PLEKHG6: variants seen among roughly 807,000 people sequenced by gnomAD.
PLEKHG6 encodes the protein pleckstrin homology and RhoGEF domain containing G6.
Under a neutral mutation model 97.5 loss-of-function variants are expected in PLEKHG6, and 91 were observed. That is an observed-to-expected ratio of 0.93 (90% CI 0.79 to 1.11). The LOEUF is 1.11. PLEKHG6 is among the 50% of genes most tolerant of loss of function. The pLI, the probability that PLEKHG6 is intolerant of heterozygous loss-of-function variation, is 0.00. For missense variants in PLEKHG6, 1,044 were observed against 1,031.0 expected, an observed-to-expected ratio of 1.01 and a Z score of -0.17; for synonymous variants, 466 against 425.5, an observed-to-expected ratio of 1.10 and a Z score of -1.17.
At position 6,315,270 on chromosome 12, in the gene PLEKHG6, G is replaced by C. The variant is rs1440707222; in HGVS notation, c.459+101G>C. The C allele has an allele frequency of 8.4e-7, 1 of 1,190,718 alleles. No individual in the cohort carries two copies. Among genetic ancestry groups the C allele is most frequent in the Admixed American group, 2.7e-5 (1 of 37,106 alleles). 73.8% of individuals were successfully genotyped at this position (1,190,718 alleles called of 1,614,324 possible). ...AAGGCCTTGGGAAGTGGGGTCATGT[G>C]GAAAAAACATCTGGAAACGCGTTGA... is the stretch of plus-strand genomic sequence containing the variant. On this transcript the variant is annotated intron_variant, in intron 4 of 15. Transcript: ENST00000684764. The surrounding 1 kb of genome is among the most constrained non-coding windows in gnomAD (Gnocchi z 4.5).
rs992642019 is a variant in PLEKHG6 at position 6,315,479 on chromosome 12, C to T, written c.460-75C>T. On this transcript the variant is annotated intron_variant, in intron 4 of 15. Coordinates refer to ENST00000684764, the MANE Select transcript of PLEKHG6 (RefSeq NM_001384598.1). The surrounding 1 kb of genome is among the most constrained non-coding windows in gnomAD (Gnocchi z 4.5). ...GTGCCTAGAACCTATGAAGTGGATC[C>T]GGTCGCACTTAACAGCTGGTACTTG... 77 of 957,742 alleles carry T rather than the reference C, an allele frequency of 8.0e-5. 1 individual carries two copies. The highest frequency in any genetic ancestry group is 1.5e-4 in the African/African-American group (9 of 61,044). 59.3% of individuals were successfully genotyped at this position (957,742 alleles called of 1,614,324 possible).
chr12:6,319,264 A>G (rs1947614353), intron 13 of PLEKHG6, 156 bp downstream of exon 13: 1 of 619,370 alleles, frequency 1.6e-6, no homozygotes, highest in East Asian at 2.8e-5. Flanking sequence ...CCTGGCCAAC[A>G]TGGTGAAACC....
At position 6,317,882 on chromosome 12, in the gene PLEKHG6, G is replaced by A. The variant is rs1463070496; in HGVS notation, c.1043G>A (p.Arg348Gln). Reference sequence around the variant, plus strand: ...ATTGAAGCCGTGGAGTCATTCCTGCGACACATCAATGGGCAGGTCCGCCAG... The same window carrying A: ...ATTGAAGCCGTGGAGTCATTCCTGCAACACATCAATGGGCAGGTCCGCCAG... ...AMIEAVESFL[R>Q]HINGQVRQGE... Residue 348 changes from arginine (R) to glutamine (Q), a missense_variant, in exon 10 of 16, where the codon CGA becomes CAA. Coordinates refer to ENST00000684764, the MANE Select transcript of PLEKHG6 (RefSeq NM_001384598.1). 19 of 1,555,994 alleles carry A rather than the reference G, an allele frequency of 1.2e-5. 1 individual carries two copies. Among genetic ancestry groups the A allele is most frequent in the South Asian group, 8.3e-5 (7 of 84,478 alleles).
chr12:6,315,614 C>A lies in PLEKHG6; in HGVS notation c.520C>A (p.Leu174Met). 1 of 1,590,220 alleles carries A rather than the reference C, an allele frequency of 6.3e-7. No individual in the cohort carries two copies. Among genetic ancestry groups the A allele is most frequent in the Non-Finnish European group, 8.6e-7 (1 of 1,160,562 alleles). ...CCTGTGGGAGCTCCTGACCACCGAG[C>A]TGATCTACGTGAGAAAGCTCAAGAT... ...EALWELLTTE[L>M]IYVRKLKIMT... The change falls in exon 5 of 16, where the codon CTG becomes ATG. Residue 174 changes from leucine to methionine, a missense_variant. Leu to Met is a conservative substitution (Grantham distance 15). Coordinates refer to ENST00000684764, the MANE Select transcript of PLEKHG6 (RefSeq NM_001384598.1). This position sits in a 1 kb window ranked among gnomAD's most constrained non-coding sequence, Gnocchi z 4.5.
At chr12:6,310,544 C>G (rs1413127974), upstream of PLEKHG6, 1 of 152,380 alleles carries the variant, frequency 6.6e-6, no homozygotes, top group Non-Finnish European at 1.5e-5. Flanking sequence ...AAGGAGGGCA[C>G]CGCCACGTGA....
intron 13 of PLEKHG6, among the ~76,000 whole-genome samples, chr12:6,320,714 G>C (rs1947675565): frequency 6.6e-6 from 1 of 152,152 alleles, no homozygotes; most frequent in Non-Finnish European, 1.5e-5. Context: ...CAGAGGGTAG[G>C]ACTTAGATAT....
At chr12:6,314,611 T>C (rs1423210581) in intron 3 of PLEKHG6, among the ~76,000 whole-genome samples, 3 of 152,192 alleles carry the variant, frequency 2.0e-5, no homozygotes, top group African/African-American at 7.2e-5. Flanking sequence ...CCACTGGTTC[T>C]CTAAGTCTTG....
Position 6,318,073 on chromosome 12 carries a change from A to T in PLEKHG6, c.1155+79A>T, listed in dbSNP as rs202225852. On this transcript the variant is annotated intron_variant, in intron 10 of 15. Coordinates refer to ENST00000684764, the MANE Select transcript of PLEKHG6 (RefSeq NM_001384598.1). ...TGAAGGGGAGGGCTGCAAGGCCAGA[A>T]CACCCCGTACTTGGGTGCTACAAGG... 4.1e-5 allele frequency: 60 copies of T among 1,464,272 alleles called. No homozygotes were observed. The East Asian group carries it at 1.3e-3, about 32-fold the overall frequency. 90.7% of individuals were successfully genotyped at this position (1,464,272 alleles called of 1,614,324 possible).
At chr12:6,328,086 C>T in intron 15 of PLEKHG6, 50 bp from the exon 16 acceptor site, 1 of 1,613,054 alleles carries the variant, frequency 6.2e-7, no homozygotes, top group Non-Finnish European at 8.5e-7. Context: ...TCACCTGACC[C>T]TCACCCGTTG....
At chr12:6,323,120 C>T (rs1462537315) in intron 13 of PLEKHG6, among the ~76,000 whole-genome samples, 1 of 152,202 alleles carries the variant, frequency 6.6e-6, no homozygotes, top group Non-Finnish European at 1.5e-5. Flanking sequence ...CAGACTCTCA[C>T]CTTCTCCCTT....
chr12:6,318,747 G>A lies in PLEKHG6; in HGVS notation c.1278G>A (p.Leu426=), dbSNP rs1297155927. The change falls in exon 12 of 16, where the codon CTG becomes CTA. Residue 426 remains leucine, a splice_region_variant and synonymous_variant. Transcript: ENST00000684764. The stretch of plus-strand genomic sequence containing the variant: ...TTCCCCTACGCCCCCACCCCCAGCT[G>A]GACGTGTACCTGTTCCTCTTCTCTG... ...VRVKEGREGK[L]DVYLFLFSDV... 1.2e-6 allele frequency: 2 copies of A among 1,613,600 alleles called. No homozygotes were observed. The highest frequency in any genetic ancestry group is 8.5e-7 in the Non-Finnish European group (1 of 1,179,710).
Position 6,327,373 on chromosome 12 carries a change from C to A in PLEKHG6, c.1790C>A (p.Thr597Asn). Residue 597 changes from threonine (T) to asparagine (N), a missense_variant, in exon 15 of 16, where the codon ACC becomes AAC. Physicochemically the swap from Thr to Asn is moderately conservative, Grantham distance 65. Coordinates refer to ENST00000684764, the MANE Select transcript of PLEKHG6 (RefSeq NM_001384598.1). ...GGCTACGGCACTTTGATCCCAGGCA[C>A]CCCCACGGGGTCCCGCTCCCCACTG... is the stretch of plus-strand genomic sequence containing the variant. The part of the protein sequence containing the change: ...DSGYGTLIPG[T>N]PTGSRSPLSR... 6 of 1,614,116 alleles carry A rather than the reference C, an allele frequency of 3.7e-6. No homozygotes were observed. Among genetic ancestry groups the A allele is most frequent in the Non-Finnish European group, 5.1e-6 (6 of 1,179,984 alleles).
At chr12:6,322,892 A>G (rs1039686085) in intron 13 of PLEKHG6, among the ~76,000 whole-genome samples, 1 of 151,746 alleles carries the variant, frequency 6.6e-6, no homozygotes, top group Admixed American at 6.6e-5. Context: ...AAAAAAAAAA[A>G]GTTAAATAAA....
chr12:6,325,850 CA>C (rs1250681941), intron 13 of PLEKHG6, among the ~76,000 whole-genome samples: 1 of 152,152 alleles, frequency 6.6e-6, no homozygotes, highest in Non-Finnish European at 1.5e-5. Context: ...CACTCACCCC[CA>C]ACACTAGCTC....
rs779369714 is a variant in PLEKHG6 at position 6,315,897 on chromosome 12, A to G, written c.584A>G (p.Gln195Arg). The G allele has an allele frequency of 2.5e-6, 4 of 1,579,720 alleles. No homozygotes were observed. The highest frequency in any genetic ancestry group is 3.4e-6 in the Non-Finnish European group (4 of 1,162,480). ...DLLAAGLLNLQRVGLLMEVSA... is the reference protein window; with the variant it reads ...DLLAAGLLNLRRVGLLMEVSA... ...CTAGCCGCCGGCCTGCTGAACCTGC[A>G]GCGAGTGGGACTGCTGATGGAAGTG... The change falls in exon 6 of 16, where the codon CAG becomes CGG. Residue 195 changes from glutamine (Q) to arginine (R), a missense_variant. Transcript: ENST00000684764. The surrounding 1 kb of genome is among the most constrained non-coding windows in gnomAD (Gnocchi z 4.5).
In PLEKHG6 at chr12:6,312,532, C is replaced by A. The variant is rs150076126; in HGVS notation, c.138+168C>A. The A allele has an allele frequency of 1.2e-5, 13 of 1,111,606 alleles. No homozygotes were observed. In the African/African-American group the frequency reaches 2.0e-4, roughly 17 times the overall value. 68.9% of individuals were successfully genotyped at this position (1,111,606 alleles called of 1,614,324 possible). ...AGAGGAGGGCAGTGACAGGGCCAGGCTCCAGGGATATCACACCCCAGTCCC... is the reference window on the plus strand; with the variant it reads ...AGAGGAGGGCAGTGACAGGGCCAGGATCCAGGGATATCACACCCCAGTCCC... On this transcript the variant is annotated intron_variant, in intron 2 of 15. Transcript: ENST00000684764.
intron 13 of PLEKHG6, among the ~76,000 whole-genome samples, chr12:6,324,411 C>T (rs893567640): frequency 3.9e-5 from 6 of 152,218 alleles, no homozygotes; most frequent in African/African-American, 9.6e-5. Context: ...TCTTCTTTCC[C>T]GTAACATCCC....
rs557533391 is a variant in PLEKHG6 at position 6,327,499 on chromosome 12, A to G, written c.1916A>G (p.Gln639Arg). Reference sequence around the variant, plus strand: ...CTGCGTCCCCACCCTCCCGACCCCCAAGCTCCTCAACGCCGAAGCGCCCCC... The same window carrying G: ...CTGCGTCCCCACCCTCCCGACCCCCGAGCTCCTCAACGCCGAAGCGCCCCC... ...IPLRPHPPDP[Q>R]APQRRSAPEL... The change falls in exon 15 of 16, where the codon CAA becomes CGA. Residue 639 changes from glutamine (Q) to arginine (R), a missense_variant. Coordinates refer to ENST00000684764, the MANE Select transcript of PLEKHG6 (RefSeq NM_001384598.1). 2.9e-6 allele frequency: 1 copy of G among 340,046 alleles called. No individual in the cohort carries two copies. Among genetic ancestry groups the G allele is most frequent in the Non-Finnish European group, 5.6e-6 (1 of 177,312 alleles). 21.1% of individuals were successfully genotyped at this position (340,046 alleles called of 1,614,324 possible). A position where few individuals can be genotyped will look rare whatever the true frequency, so the allele number is the denominator to read the frequency against.
intron 13 of PLEKHG6, among the ~76,000 whole-genome samples, chr12:6,326,167 C>A (rs1193268744): frequency 6.6e-6 from 1 of 151,882 alleles, no homozygotes; most frequent in African/African-American, 2.4e-5. Context: ...TAGCCGGGCA[C>A]GTTGGCGGGC....
Sources: gnomAD v4.1 joint callset for allele counts (sites outside exome capture counted in the v4.1 genomes callset) on GRCh38, gnomAD v4.1.1 for gene constraint, Gnocchi (gnomAD v3.1) non-coding constraint, MANE v1.5 for transcripts, NCBI Gene and HGNC (gene_info 2026-07-23, HGNC 2026-07-21) for gene names.